Variants in WNK1 observed in about 807,000 individuals in gnomAD.
WNK1 encodes serine/threonine-protein kinase WNK1.
A neutral mutation model predicts 222.8 loss-of-function variants in WNK1; 38 were observed. That is an observed-to-expected ratio of 0.17 (90% confidence interval 0.13 to 0.22). The LOEUF (loss-of-function observed/expected upper bound fraction) is 0.22, where lower values mean the gene tolerates loss of function less well. Ranked by LOEUF, WNK1 falls within the 10% of genes least tolerant of loss-of-function variation. The pLI is 1.00. For synonymous variants in WNK1, 1,090 were observed against 1,092.9 expected (o/e 1.00, Z 0.05); for missense variants, 2,348 against 2,918.4 (o/e 0.80, Z 4.50).
chr12:777,860 G>C (rs1219187374), intron 1 of WNK1, among the ~76,000 whole-genome samples: 2 of 152,172 alleles, frequency 1.3e-5, no homozygotes, highest in East Asian at 3.8e-4. Context: ...TATCATCTGT[G>C]TTTGTTTGCT....
chr12:900,333 G>A, intron 25 of WNK1, 143 bp from the exon 26 acceptor site: 1 of 847,704 alleles, frequency 1.2e-6, no homozygotes, highest in Non-Finnish European at 2.0e-6. Context: ...CCGTTAGTGA[G>A]GACTTTGTTC....
At chr12:839,650 T>G (rs1167639617) in intron 4 of WNK1, among the ~76,000 whole-genome samples, 2 of 152,174 alleles carry the variant, frequency 1.3e-5, no homozygotes, top group African/African-American at 4.8e-5. Context: ...TATATAACTT[T>G]AGATTTGGGG....
chr12:907,931 A>G lies in WNK1; in HGVS notation c.6728A>G (p.Lys2243Arg). ...AQPPAMTSSR[K>R]GTFTDDLHKL... ...CCTCCTGCCATGACGTCCAGCAGGAAGGGCACATTCACAGATGACTTGCAC... is the reference window on the plus strand; with the variant it reads ...CCTCCTGCCATGACGTCCAGCAGGAGGGGCACATTCACAGATGACTTGCAC... Residue 2243 changes from lysine to arginine, a missense_variant, in exon 27 of 28, where the codon AAG (lysine) becomes AGG (arginine). Transcript: ENST00000315939. 1 of 1,614,200 alleles carries G rather than the reference A, an allele frequency of 6.2e-7. No homozygotes were observed. The highest frequency in any genetic ancestry group is 1.6e-4 in the Middle Eastern group (1 of 6,062).
chr12:884,911 A>G lies in WNK1; in HGVS notation c.4107A>G (p.Ser1369=). ...GCCCTCCTAATGACATTTCCACATC[A>G]GTAATTCAGTCTGAGGTTACAGTGC... ...TSSPPNDIST[S]VIQSEVTVPT... is the part of the protein sequence containing the mutation. The change falls in exon 19 of 28, where the codon TCA becomes TCG. Residue 1369 remains serine, a synonymous_variant. Coordinates refer to ENST00000315939, the MANE Select transcript of WNK1 (RefSeq NM_018979.4). The surrounding 1 kb of genome is among the most constrained non-coding windows in gnomAD (Gnocchi z 5.6). 4 of 1,614,162 alleles carry G rather than the reference A, an allele frequency of 2.5e-6. No individual in the cohort carries two copies. Among genetic ancestry groups the G allele is most frequent in the African/African-American group, 1.3e-5 (1 of 75,048 alleles).
intron 1 of WNK1, among the ~76,000 whole-genome samples, chr12:804,169 A>G (rs1425482389): frequency 6.6e-6 from 1 of 152,110 alleles, no homozygotes; most frequent in African/African-American, 2.4e-5. Context: ...CCCTAGTAAC[A>G]TCTCCCTGCC....
At position 827,280 on chromosome 12, in the gene WNK1, C is replaced by T. The variant is rs745441683; in HGVS notation, c.1153+18C>T. 19 of 1,602,774 alleles carry T rather than the reference C, an allele frequency of 1.2e-5. No homozygotes were observed. The highest frequency in any genetic ancestry group is 1.7e-5 in the Admixed American group (1 of 59,996). ...TGTGATAGGTATGTTTCAGGTGTAC[C>T]TTGGAGCCTGACTGGCTTTCTCACA... On this transcript the variant is annotated intron_variant, in intron 3 of 27. Transcript: ENST00000315939. The surrounding 1 kb of genome is among the most constrained non-coding windows in gnomAD (Gnocchi z 4.6).
chr12:826,687 G>A (rs1196259507), intron 2 of WNK1, among the ~76,000 whole-genome samples: 2 of 152,118 alleles, frequency 1.3e-5, no homozygotes, highest in African/African-American at 4.8e-5. Context: ...TTGGTGCTTT[G>A]TTACCATAAT....
At chr12:837,810 C>T (rs1949316645) in intron 4 of WNK1, among the ~76,000 whole-genome samples, 1 of 152,114 alleles carries the variant, frequency 6.6e-6, no homozygotes, top group South Asian at 2.1e-4. Flanking sequence ...CCACAGTCAA[C>T]TTTAGAATAA....
intron 2 of WNK1, among the ~76,000 whole-genome samples, chr12:822,842 A>C (rs938554665): frequency 6.6e-6 from 1 of 152,228 alleles, no homozygotes; most frequent in Non-Finnish European, 1.5e-5. Flanking sequence ...TGTGTGATGG[A>C]CTTTACCAGA....
chr12:823,527 T>C (rs1243122530), intron 2 of WNK1, among the ~76,000 whole-genome samples: 1 of 152,228 alleles, frequency 6.6e-6, no homozygotes, highest in Non-Finnish European at 1.5e-5. Flanking sequence ...CTTCTGTGTG[T>C]TCGCATATGC....
intron 13 of WNK1, 34 bp downstream of exon 13, chr12:881,823 G>A (rs375562454): frequency 1.2e-6 from 2 of 1,613,596 alleles, no homozygotes; most frequent in Admixed American, 1.7e-5. Flanking sequence ...TCCTTGACTG[G>A]TAAATAAGAC....
At chr12:754,469 A>G (rs1939667870) in intron 1 of WNK1, 145 bp downstream of exon 1, 3 of 985,328 alleles carry the variant, frequency 3.0e-6, no homozygotes, top group Non-Finnish European at 4.8e-6. Flanking sequence ...AGGGGCTGAA[A>G]TTAGGAGAAT....
chr12:758,874 G>A (rs1249833036), intron 1 of WNK1, among the ~76,000 whole-genome samples: 4 of 147,042 alleles, frequency 2.7e-5, no homozygotes, highest in East Asian at 2.0e-4. Flanking sequence ...CCTGGAAAGA[G>A]GTTGTTTTTG....
rs200420959 is a variant in WNK1 at position 884,282 on chromosome 12, A to G, written c.3844+39A>G. ...TCTGCCACATTGTTATGTAAATTCT[A>G]CAGTGCCTCTGCTATGTTGAAAGCT... is the stretch of plus-strand genomic sequence containing the variant. On this transcript the variant is annotated intron_variant, in intron 18 of 27. Coordinates refer to ENST00000315939, the MANE Select transcript of WNK1 (RefSeq NM_018979.4). The surrounding 1 kb of genome is among the most constrained non-coding windows in gnomAD (Gnocchi z 5.6). The G allele has an allele frequency of 1.7e-4, 271 of 1,613,272 alleles. No homozygotes were observed. The highest frequency in any genetic ancestry group is 3.2e-5 in the Non-Finnish European group (38 of 1,179,626).
chr12:767,310 T>C (rs1224387081), intron 1 of WNK1, among the ~76,000 whole-genome samples: 1 of 131,804 alleles, frequency 7.6e-6, no homozygotes, highest in African/African-American at 2.9e-5. Context: ...TGGAGCGCAG[T>C]GGTGCAGTCT....
chr12:869,820 TTTTTG>T (rs1056518759), intron 8 of WNK1, among the ~76,000 whole-genome samples: 3 of 151,964 alleles, frequency 2.0e-5, no homozygotes, highest in African/African-American at 7.2e-5. Context: ...GGGCTTTTTT[TTTTTG>T]TTATAAGAAT....
chr12:765,698 G>A (rs182929248), intron 1 of WNK1, among the ~76,000 whole-genome samples: 8 of 152,256 alleles, frequency 5.3e-5, no homozygotes, highest in Non-Finnish European at 5.9e-5. Flanking sequence ...CTGGGAGGCC[G>A]AGGTGAGAGC....
At chr12:792,568 C>G (rs1392458106) in intron 1 of WNK1, among the ~76,000 whole-genome samples, 1 of 152,064 alleles carries the variant, frequency 6.6e-6, no homozygotes, top group East Asian at 1.9e-4. Context: ...CCCACCTCAG[C>G]CTCCCAAAGT....
chr12:756,015 G>A (rs1237089492), intron 1 of WNK1, among the ~76,000 whole-genome samples: 2 of 152,116 alleles, frequency 1.3e-5, no homozygotes, highest in African/African-American at 2.4e-5. Flanking sequence ...ACTTATGTCC[G>A]ATTCCTTTTG....
Sources: allele counts gnomAD v4.1 joint callset (sites outside exome capture counted in the v4.1 genomes callset), GRCh38; gene constraint gnomAD v4.1.1; non-coding constraint Gnocchi (gnomAD v3.1); transcripts MANE v1.5; gene names NCBI Gene and HGNC (gene_info 2026-07-23, HGNC 2026-07-21).